Variants in WDR90 observed in about 807,000 individuals in gnomAD.
The protein encoded by WDR90 is WD repeat domain 90, also known as WD repeat-containing protein 90.
Under a neutral mutation model 195.2 loss-of-function variants are expected in WDR90, and 238 were observed. The observed-to-expected ratio is 1.22, with a 90% confidence interval of 1.10 to 1.36. The LOEUF is 1.36. Among genes scored for constraint, WDR90 ranks in the 40% most tolerant of loss-of-function variants. WDR90 has a pLI of 0.00. For missense variants in WDR90, 2,734 were observed against 2,439.5 expected (o/e 1.12, Z -2.54); for synonymous variants, 1,265 against 1,052.4 (o/e 1.20, Z -3.91).
chr16:655,917 TC>T, intron 17 of WDR90, 28 bp downstream of exon 17: 1 of 1,567,018 alleles, frequency 6.4e-7, no homozygotes, highest in Non-Finnish European at 8.6e-7. Flanking sequence ...CTCTCCCAAC[TC>T]CGGGAGAGCC....
chr16:652,395 G>A, intron 9 of WDR90, 72 bp from the exon 10 acceptor site: 2 of 1,519,562 alleles, frequency 1.3e-6, no homozygotes, highest in Non-Finnish European at 1.8e-6. Flanking sequence ...GGTTGGCGGG[G>A]CTCGGAGTTG....
chr16:651,064 C>T lies in WDR90; in HGVS notation c.629C>T (p.Pro210Leu). Residue 210 changes from proline (P) to leucine (L), a missense_variant, in exon 6 of 41, where the codon CCC (proline) becomes CTC (leucine). Pro to Leu is a moderately conservative substitution (Grantham distance 98). Transcript: ENST00000293879. ...CCTCGGGAAATGGCATTCCCTGTGC[C>T]CAAGGGAGAGAGCTGGCATGACCGC... ...PMPREMAFPV[P>L]KGESWHDRYI... The T allele has an allele frequency of 6.2e-7, 1 of 1,613,582 alleles. No homozygotes were observed. Among genetic ancestry groups the T allele is most frequent in the Non-Finnish European group, 8.5e-7 (1 of 1,179,986 alleles).
At chr16:653,291 G>T in intron 10 of WDR90, 50 bp from the exon 11 acceptor site, 1 of 1,420,016 alleles carries the variant, frequency 7.0e-7, no homozygotes, top group Non-Finnish European at 9.3e-7. Context: ...CGGCAGCCAG[G>T]AGGGGCCTGG....
rs753474327 is a variant in WDR90 at position 661,129 on chromosome 16, ACT to A, written c.3473_3474del (p.Ser1158CysfsTer48). The A allele has an allele frequency of 3.8e-6, 6 of 1,561,254 alleles. No homozygotes were observed. The highest frequency in any genetic ancestry group is 4.7e-5 in the East Asian group (2 of 42,372). ...GGCGCCCAGCAGCACTGGTCCGGCC[ACT>A]CTGCGGAGATCTCCACGCTGGCCCT... On this transcript the variant is annotated frameshift_variant, in exon 29 of 41. Coordinates refer to ENST00000293879, the MANE Select transcript of WDR90 (RefSeq NM_145294.5). LOFTEE classifies it high-confidence loss of function.
intron 21 of WDR90, 85 bp from the exon 22 acceptor site, chr16:658,098 C>A: frequency 6.5e-7 from 1 of 1,528,584 alleles, no homozygotes. Context: ...TGCGTGTCCC[C>A]GGGACCTCCC....
chr16:656,502 A>G lies in WDR90; in HGVS notation c.2167A>G (p.Thr723Ala). 6.3e-7 allele frequency: 1 copy of G among 1,578,306 alleles called. No individual in the cohort carries two copies. The highest frequency in any genetic ancestry group is 8.6e-7 in the Non-Finnish European group (1 of 1,164,998). ...GQLATVSQDR[T>A]VRIWDLATLQ... ...GCTGGCCACCGTGTCCCAGGACCGT[A>G]CCGTCCGCATCTGGGACCTGGCCAC... Residue 723 changes from threonine to alanine, a missense_variant, in exon 18 of 41, where the codon ACC becomes GCC. By Grantham distance (58) the Thr-to-Ala change is moderately conservative. Transcript: ENST00000293879.
In WDR90 at chr16:658,967, A is replaced by T. The variant is rs2037826651; in HGVS notation, c.2967A>T (p.Ala989=). ...FSPDQQQVLS[A]GDAVFLWDVL... is the part of the protein sequence containing the mutation. The stretch of plus-strand genomic sequence containing the variant: ...CTGACCAGCAGCAGGTCCTCAGCGC[A>T]GGGGACGCCGTCTTCCTCTGGGATG... Residue 989 remains alanine, a synonymous_variant, in exon 24 of 41, where the codon GCA becomes GCT. Transcript: ENST00000293879. 6.2e-7 allele frequency: 1 copy of T among 1,612,854 alleles called. No homozygotes were observed. Among genetic ancestry groups the T allele is most frequent in the South Asian group, 1.1e-5 (1 of 91,090 alleles).
intron 29 of WDR90, 46 bp downstream of exon 29, chr16:661,218 C>CG (rs778770001): frequency 6.6e-7 from 1 of 1,516,420 alleles, no homozygotes. Context: ...CCACCGTGCC[C>CG]GGCAGAACCC....
At chr16:656,606 G>C (rs1462520253) in intron 18 of WDR90, 69 bp downstream of exon 18, 1 of 1,575,482 alleles carries the variant, frequency 6.3e-7, no homozygotes, top group African/African-American at 1.3e-5. Context: ...TGTCAGCGGG[G>C]GTGAGAGGGG....
chr16:666,042 C>T lies in WDR90; in HGVS notation c.4527C>T (p.Ile1509=). 1.2e-6 allele frequency: 2 copies of T among 1,606,016 alleles called. No homozygotes were observed. The highest frequency in any genetic ancestry group is 1.7e-6 in the Non-Finnish European group (2 of 1,179,848). The change falls in exon 36 of 41, where the codon ATC becomes ATT. Residue 1509 remains isoleucine, a synonymous_variant. Coordinates refer to ENST00000293879, the MANE Select transcript of WDR90 (RefSeq NM_145294.5). ...GCTACGGTGACGGCTCCCTGCGCAT[C>T]TTCAGCGTCTCCCGCACGGCCATGG... The part of the protein sequence containing the change: ...AAGYGDGSLR[I]FSVSRTAMEL...
Position 662,060 on chromosome 16 carries a change from G to C in WDR90, c.4033+1G>C. 1.2e-6 allele frequency: 2 copies of C among 1,600,444 alleles called. No individual in the cohort carries two copies. The highest frequency in any genetic ancestry group is 1.7e-6 in the Non-Finnish European group (2 of 1,179,256). Reference sequence around the variant, plus strand: ...TGGGAGGCGGATGACGGTGGCATTGGTGAGTGCCCCGCAGAAGCCCTGTGG... The same window carrying C: ...TGGGAGGCGGATGACGGTGGCATTGCTGAGTGCCCCGCAGAAGCCCTGTGG... On this transcript the variant is annotated splice_donor_variant, in intron 32 of 40. Coordinates refer to ENST00000293879, the MANE Select transcript of WDR90 (RefSeq NM_145294.5). LOFTEE classifies it high-confidence loss of function.
chr16:653,414 C>T lies in WDR90; in HGVS notation c.1196C>T (p.Thr399Met), dbSNP rs377339163. ...HAVIVVLLVD[T>M]GEQRFFLGHT... ...GTCATCGTCGTCCTGCTCGTGGACACGGGGGAGCAGCGCTTCTTCCTTGGC... is the reference window on the plus strand; with the variant it reads ...GTCATCGTCGTCCTGCTCGTGGACATGGGGGAGCAGCGCTTCTTCCTTGGC... Residue 399 changes from threonine (T) to methionine (M), a missense_variant, in exon 11 of 41, where the codon ACG becomes ATG. Coordinates refer to ENST00000293879, the MANE Select transcript of WDR90 (RefSeq NM_145294.5). 4.0e-5 allele frequency: 65 copies of T among 1,610,892 alleles called. No individual in the cohort carries two copies. Among genetic ancestry groups the T allele is most frequent in the African/African-American group, 3.9e-4 (29 of 74,828 alleles).
chr16:658,151 C>G (rs1444999387), intron 21 of WDR90, 32 bp from the exon 22 acceptor site: 1 of 1,592,858 alleles, frequency 6.3e-7, no homozygotes, highest in Non-Finnish European at 8.6e-7. Flanking sequence ...GCCCAGGGGC[C>G]CTGACTGTCG....
At position 667,574 on chromosome 16, in the gene WDR90, G is replaced by A; in HGVS notation, c.5232G>A (p.Glu1744=). ...CCCGCAACGAGATCCTTGTGTGGGAGGTCCCCGGCCTCTGAGATGCAGCAG... is the reference window on the plus strand; with the variant it reads ...CCCGCAACGAGATCCTTGTGTGGGAAGTCCCCGGCCTCTGAGATGCAGCAG... ...TAARNEILVW[E]VPGL is the part of the protein sequence containing the mutation. The change falls in exon 41 of 41, where the codon GAG becomes GAA. Residue 1744 remains glutamate, a synonymous_variant. Transcript: ENST00000293879. 1.2e-6 allele frequency: 2 copies of A among 1,609,386 alleles called. No individual in the cohort carries two copies. Among genetic ancestry groups the A allele is most frequent in the Non-Finnish European group, 1.7e-6 (2 of 1,179,974 alleles).
In WDR90 at chr16:660,717, G is replaced by T. The variant is rs777585697; in HGVS notation, c.3391+3G>T. The T allele has an allele frequency of 5.1e-6, 8 of 1,557,164 alleles. No homozygotes were observed. The highest frequency in any genetic ancestry group is 7.0e-6 in the Non-Finnish European group (8 of 1,149,678). On this transcript the variant is annotated splice_donor_region_variant and intron_variant, in intron 28 of 40. Transcript: ENST00000293879. ...CATGGTCTGGAGGCCGGACACAGGT[G>T]GGGGCCAAGAGCCTACCCCCACCCC...
intron 21 of WDR90, 138 bp from the exon 22 acceptor site, chr16:658,045 C>A: frequency 6.9e-7 from 1 of 1,447,342 alleles, no homozygotes; most frequent in Non-Finnish European, 9.2e-7. Context: ...GGCCCACGTG[C>A]GGCCAGGTTC....
rs533857733 is a variant in WDR90, at chr16:649,447, G to A, written c.10+21G>A. On this transcript the variant is annotated intron_variant, in intron 1 of 40. Coordinates refer to ENST00000293879, the MANE Select transcript of WDR90 (RefSeq NM_145294.5). Reference sequence around the variant, plus strand: ...CCGAGGTAGCGCGCGGCTGGCGGGGGTCCCGAGGATCCCGGGTTCCGGGGT... The same window carrying A: ...CCGAGGTAGCGCGCGGCTGGCGGGGATCCCGAGGATCCCGGGTTCCGGGGT... The A allele has an allele frequency of 1.4e-5, 18 of 1,298,178 alleles. No individual in the cohort carries two copies. In the East Asian group the frequency reaches 4.4e-4, roughly 31 times the overall value. 80.4% of individuals were successfully genotyped at this position (1,298,178 alleles called of 1,614,324 possible). A position where few individuals can be genotyped will look rare whatever the true frequency, so the allele number is the denominator to read the frequency against.
At chr16:663,140 C>T (rs1165443068) in intron 34 of WDR90, 6 of 515,806 alleles carry the variant, frequency 1.2e-5, no homozygotes, top group African/African-American at 9.5e-5. Flanking sequence ...TTGTAATTGT[C>T]AAAGAAATCA....
At chr16:652,063 C>A in intron 9 of WDR90, 24 bp downstream of exon 9, 1 of 1,564,904 alleles carries the variant, frequency 6.4e-7, no homozygotes, top group Non-Finnish European at 8.6e-7. Context: ...CCACAGCAGG[C>A]GGGGCCTGGT....
Sources: allele counts gnomAD v4.1 joint callset, GRCh38; gene constraint gnomAD v4.1.1; transcripts MANE v1.5; gene names NCBI Gene and HGNC (gene_info 2026-07-23, HGNC 2026-07-21).